The following NUP210L variants were observed in gnomAD, a reference collection of about 807,000 sequenced individuals.
NUP210L encodes the protein nuclear pore membrane glycoprotein 210-like.
NUP210L carries 74 observed loss-of-function variants against 208.5 expected under a neutral mutation model. The observed-to-expected ratio is 0.35, with a 90% CI of 0.29 to 0.43. NUP210L has a LOEUF of 0.43. NUP210L is among the 20% of genes least tolerant of loss of function. NUP210L has a pLI of 1.00. For synonymous variants in NUP210L, 780 were observed against 816.9 expected, an observed-to-expected ratio of 0.95 and a Z score of 0.77; for missense variants, 1,843 against 2,289.4, an observed-to-expected ratio of 0.81 and a Z score of 3.98.
chr1:154,150,837 A>G (rs1006458216), intron 2 of NUP210L, among the ~76,000 whole-genome samples: 3 of 152,168 alleles, frequency 2.0e-5, no homozygotes, highest in African/African-American at 7.2e-5. Context: ...TGTCCAAGGA[A>G]TTAATGAACA....
At chr1:154,014,849 C>T (rs1188656522) in intron 33 of NUP210L, among the ~76,000 whole-genome samples, 1 of 151,898 alleles carries the variant, frequency 6.6e-6, no homozygotes, top group African/African-American at 2.4e-5. Context: ...ACTAAAAATA[C>T]AAAAATTAGC....
At chr1:154,055,187 CT>C (rs869166431) in intron 23 of NUP210L, among the ~76,000 whole-genome samples, 1 of 83,976 alleles carries the variant, frequency 1.2e-5, no homozygotes, top group African/African-American at 4.2e-5. Flanking sequence ...TTCTTTCTTT[CT>C]TTTTCTTTCT....
chr1:153,996,238 A>G (rs1649856013), intron 37 of NUP210L, among the ~76,000 whole-genome samples: 2 of 151,776 alleles, frequency 1.3e-5, no homozygotes, highest in Non-Finnish European at 2.9e-5. Flanking sequence ...CTAGCAGTGA[A>G]CCGAGATCTC....
intron 27 of NUP210L, among the ~76,000 whole-genome samples, chr1:154,043,272 G>A (rs1571206318): frequency 1.3e-5 from 2 of 151,812 alleles, no homozygotes; most frequent in African/African-American, 2.4e-5. Context: ...CACGCGCCTC[G>A]GCCTCCCAAA....
chr1:154,140,666 C>CAAAAAAAAAAA (rs1434093544), intron 4 of NUP210L, among the ~76,000 whole-genome samples: 15 of 102,416 alleles, frequency 1.5e-4, no homozygotes, highest in Non-Finnish European at 2.9e-4. Context: ...GACTCCATCT[C>CAAAAAAAAAAA]AAAAAAAAAA....
chr1:154,118,182 G>T (rs1038065403), intron 11 of NUP210L, among the ~76,000 whole-genome samples: 9 of 151,902 alleles, frequency 5.9e-5, no homozygotes, highest in Non-Finnish European at 1.2e-4. Flanking sequence ...GGTGGCACAC[G>T]CCTGTAATCC....
At chr1:154,057,938 TG>T in intron 22 of NUP210L, 150 bp downstream of exon 22, 1 of 833,116 alleles carries the variant, frequency 1.2e-6, no homozygotes, top group East Asian at 2.6e-5. Context: ...GAGCTGAATA[TG>T]GGAAGAGCGT....
chr1:154,091,994 T>C (rs902747403), intron 15 of NUP210L, among the ~76,000 whole-genome samples: 4 of 151,812 alleles, frequency 2.6e-5, no homozygotes, highest in African/African-American at 9.7e-5. Context: ...GTGATGTACT[T>C]AGAGTTGCCA....
intron 7 of NUP210L, 101 bp from the exon 8 acceptor site, chr1:154,129,446 CA>C: frequency 6.5e-6 from 5 of 767,516 alleles, no homozygotes; most frequent in South Asian, 5.0e-5. Context: ...CAAATGAAAA[CA>C]AACAAAAATC....
chr1:154,118,023 C>T (rs1657420892), intron 11 of NUP210L, 143 bp from the exon 12 acceptor site: 3 of 649,158 alleles, frequency 4.6e-6, no homozygotes, highest in Admixed American at 3.0e-5. Context: ...GAAACTGTGA[C>T]ACTAGGCTGG....
At chr1:154,003,060 G>A (rs556248277) in intron 35 of NUP210L, among the ~76,000 whole-genome samples, 1 of 150,862 alleles carries the variant, frequency 6.6e-6, no homozygotes, top group East Asian at 1.9e-4. Flanking sequence ...GCCCAGGCTG[G>A]AGTGCAGTGG....
intron 27 of NUP210L, among the ~76,000 whole-genome samples, chr1:154,030,620 G>T (rs1652160650): frequency 6.6e-6 from 1 of 151,962 alleles, no homozygotes; most frequent in South Asian, 2.1e-4. Flanking sequence ...TACGTTGTAG[G>T]TATACATATT....
At chr1:154,151,053 C>A (rs901244211) in intron 2 of NUP210L, among the ~76,000 whole-genome samples, 2 of 151,968 alleles carry the variant, frequency 1.3e-5, no homozygotes, top group Non-Finnish European at 2.9e-5. Flanking sequence ...CCAAGTCAGA[C>A]GAAGTTAAGC....
At chr1:154,065,086 T>TAAATAAATA (rs1553230379) in intron 17 of NUP210L, among the ~76,000 whole-genome samples, 1 of 134,556 alleles carries the variant, frequency 7.4e-6, no homozygotes, top group Non-Finnish European at 1.6e-5. Context: ...AGTAAATAAA[T>TAAATAAATA]AAATAAAATA....
At chr1:154,022,674 TC>T (rs374802232) in intron 31 of NUP210L, among the ~76,000 whole-genome samples, 9 of 147,906 alleles carry the variant, frequency 6.1e-5, no homozygotes, top group Non-Finnish European at 1.3e-4. Context: ...CTAAGTCTGG[TC>T]TTTTTTTTTT....
chr1:154,119,199 G>T (rs1404057609), intron 10 of NUP210L, among the ~76,000 whole-genome samples: 1 of 152,088 alleles, frequency 6.6e-6, no homozygotes, highest in African/African-American at 2.4e-5. Flanking sequence ...AGAAGAAAAT[G>T]AGAACATTTA....
chr1:154,122,512 C>A (rs1286915224), intron 10 of NUP210L, among the ~76,000 whole-genome samples: 2 of 151,944 alleles, frequency 1.3e-5, no homozygotes, highest in Non-Finnish European at 2.9e-5. Context: ...AAAAATTAGC[C>A]GGGCATGGTG....
At chr1:154,088,029 T>C (rs1215566717) in intron 16 of NUP210L, among the ~76,000 whole-genome samples, 1 of 152,106 alleles carries the variant, frequency 6.6e-6, no homozygotes, top group Non-Finnish European at 1.5e-5. Flanking sequence ...TGCACAACTT[T>C]GATTTGAACA....
chr1:154,106,377 C>T (rs940214492), intron 12 of NUP210L, among the ~76,000 whole-genome samples: 1 of 152,152 alleles, frequency 6.6e-6, no homozygotes, highest in Non-Finnish European at 1.5e-5. Context: ...GTTCCTGACT[C>T]CAGGCCCTGG....
Sources: gnomAD v4.1 joint callset for allele counts (sites outside exome capture counted in the v4.1 genomes callset) on GRCh38, gnomAD v4.1.1 for gene constraint, MANE v1.5 for transcripts, NCBI Gene and HGNC (gene_info 2026-07-23, HGNC 2026-07-21) for gene names.